The following CAPZA1 variants were observed in gnomAD, a reference collection of about 807,000 sequenced individuals.
The protein encoded by CAPZA1 is capping actin protein of muscle Z-line subunit alpha 1.
A neutral mutation model predicts 40.8 loss-of-function variants in CAPZA1; 10 were observed. The ratio of observed to expected loss-of-function variants is 0.25; its 90% confidence interval spans 0.15 to 0.42. CAPZA1 has a LOEUF of 0.42. CAPZA1 is among the 10% of genes least tolerant of loss of function. The pLI is 1.00. For synonymous variants in CAPZA1, 98 were observed against 115.0 expected, an observed-to-expected ratio of 0.85 and a Z score of 0.95; for missense variants, 277 against 353.8, an observed-to-expected ratio of 0.78 and a Z score of 1.74.
chr1:112,623,206 G>A (rs1670720094), intron 1 of CAPZA1, among the ~76,000 whole-genome samples: 1 of 152,074 alleles, frequency 6.6e-6, no homozygotes, highest in African/African-American at 2.4e-5. Context: ...TTTTAAACTG[G>A]ATCCTTGATT....
In CAPZA1 at chr1:112,654,320, C is replaced by G. The variant is rs557034520; in HGVS notation, c.220-145C>G. 2.2e-5 allele frequency: 13 copies of G among 584,294 alleles called. No homozygotes were observed. In the Admixed American group the frequency reaches 3.8e-4, roughly 17 times the overall value. 36.2% of individuals were successfully genotyped at this position (584,294 alleles called of 1,614,324 possible). On this transcript the variant is annotated intron_variant, in intron 4 of 9. Coordinates refer to ENST00000263168, the MANE Select transcript of CAPZA1 (RefSeq NM_006135.3). Reference sequence around the variant, plus strand: ...CATAAATACAATATTCTTAATAATACGGGACTTGGTTGAAAAATTAATATG... The same window carrying G: ...CATAAATACAATATTCTTAATAATAGGGGACTTGGTTGAAAAATTAATATG...
chr1:112,646,097 C>T (rs754565459), intron 1 of CAPZA1, among the ~76,000 whole-genome samples: 2 of 152,020 alleles, frequency 1.3e-5, no homozygotes, highest in Non-Finnish European at 2.9e-5. Context: ...ATGAGATAAG[C>T]GGATTAGAAC....
intron 3 of CAPZA1, among the ~76,000 whole-genome samples, chr1:112,650,223 A>G (rs1226462697): frequency 6.6e-6 from 1 of 152,210 alleles, no homozygotes; most frequent in East Asian, 1.9e-4. Flanking sequence ...AATAATTATC[A>G]TAAAGTCATT....
chr1:112,619,889 G>T lies in CAPZA1; in HGVS notation c.39+6G>T. On this transcript the variant is annotated splice_donor_region_variant and intron_variant, in intron 1 of 9. Coordinates refer to ENST00000263168, the MANE Select transcript of CAPZA1 (RefSeq NM_006135.3). ...GTGTGTCGGATGAGGAGAAGGTAAG[G>T]GGTCCGCCTCTCTCTCTTACCTCCT... 6.2e-7 allele frequency: 1 copy of T among 1,608,982 alleles called. No homozygotes were observed. The highest frequency in any genetic ancestry group is 1.1e-5 in the South Asian group (1 of 90,140).
At chr1:112,647,442 G>A (rs191334750) in intron 2 of CAPZA1, among the ~76,000 whole-genome samples, 169 bp downstream of exon 2, 3 of 152,264 alleles carry the variant, frequency 2.0e-5, no homozygotes, top group African/African-American at 7.2e-5. Flanking sequence ...GTCAAAGCAA[G>A]AATTCAAACC....
intron 3 of CAPZA1, 36 bp downstream of exon 3, chr1:112,649,505 C>G (rs1253594607): frequency 6.1e-6 from 9 of 1,470,276 alleles, no homozygotes; most frequent in Non-Finnish European, 8.6e-6. Context: ...GAATGTTACT[C>G]TAACATTGGA....
At chr1:112,642,045 A>AT (rs1259330001) in intron 1 of CAPZA1, among the ~76,000 whole-genome samples, 2 of 151,964 alleles carry the variant, frequency 1.3e-5, no homozygotes, top group Admixed American at 1.3e-4. Context: ...ATTGTTTTAC[A>AT]TTTTGCAAGT....
chr1:112,660,838 CTTTTTTTTTTTTTT>C (rs67876993), intron 7 of CAPZA1, among the ~76,000 whole-genome samples: 1 of 66,012 alleles, frequency 1.5e-5, no homozygotes, highest in South Asian at 7.6e-4. Flanking sequence ...CAAGAGTTGT[CTTTTTTTTTTTTTT>C]TTTTTTTTTT....
chr1:112,664,351 T>C (rs1671681896), intron 7 of CAPZA1, among the ~76,000 whole-genome samples: 1 of 152,114 alleles, frequency 6.6e-6, no homozygotes, highest in Non-Finnish European at 1.5e-5. Flanking sequence ...GAAGCTTGAC[T>C]GTTAGTTATG....
chr1:112,639,949 T>C (rs1671106322), intron 1 of CAPZA1, among the ~76,000 whole-genome samples: 1 of 129,734 alleles, frequency 7.7e-6, no homozygotes, highest in African/African-American at 2.9e-5. Context: ...AGCCGCCCCG[T>C]CCGGGAGGGA....
At chr1:112,641,807 T>C (rs949978266) in intron 1 of CAPZA1, among the ~76,000 whole-genome samples, 5 of 150,652 alleles carry the variant, frequency 3.3e-5, no homozygotes, top group African/African-American at 1.2e-4. Flanking sequence ...GAGAATCACT[T>C]GAACCTGGGA....
Position 112,670,368 on chromosome 1 carries a change from T to TC in CAPZA1, c.*236_*237insC, listed in dbSNP as rs990358474. 1.5e-5 allele frequency: 6 copies of TC among 408,060 alleles called. No individual in the cohort carries two copies. Among genetic ancestry groups the TC allele is most frequent in the Admixed American group, 8.7e-5 (2 of 23,090 alleles). 25.3% of individuals were successfully genotyped at this position (408,060 alleles called of 1,614,324 possible). ...TACGTGTAAATCTTTTTTTCTTTTT[T>TC]TTTTTTTTTTTTTGGTTAATTCTGC... is the stretch of plus-strand genomic sequence containing the variant. On this transcript the variant is annotated 3_prime_UTR_variant, in exon 10 of 10. Transcript: ENST00000263168.
In CAPZA1 at chr1:112,654,658, A is replaced by G; in HGVS notation, c.413A>G (p.Asn138Ser). ...LRAYVKDHYS[N>S]GFCTVYAKTI... ...GCCTATGTGAAAGACCATTATTCCA[A>G]CGGCTTCTGTACTGTTAAGTATCTG... The change falls in exon 5 of 10, where the codon AAC becomes AGC. Residue 138 changes from asparagine to serine, a missense_variant. Coordinates refer to ENST00000263168, the MANE Select transcript of CAPZA1 (RefSeq NM_006135.3). The G allele has an allele frequency of 6.2e-7, 1 of 1,609,642 alleles. No homozygotes were observed. The highest frequency in any genetic ancestry group is 1.3e-5 in the African/African-American group (1 of 74,788).
At chr1:112,621,186 A>T (rs945303739) in intron 1 of CAPZA1, among the ~76,000 whole-genome samples, 2 of 152,282 alleles carry the variant, frequency 1.3e-5, no homozygotes, top group Non-Finnish European at 2.9e-5. Context: ...ACATTTATGT[A>T]TAAGCCTATG....
At chr1:112,636,029 G>GA (rs1319996982) in intron 1 of CAPZA1, among the ~76,000 whole-genome samples, 9 of 151,990 alleles carry the variant, frequency 5.9e-5, no homozygotes, top group Non-Finnish European at 1.5e-5. Flanking sequence ...ACTCTTTCTA[G>GA]AAAAAAATAA....
At chr1:112,653,571 TTTTAA>T (rs1557734788) in intron 3 of CAPZA1, 22 bp from the exon 4 acceptor site, 10 of 1,434,018 alleles carry the variant, frequency 7.0e-6, no homozygotes, top group Middle Eastern at 2.1e-4. Flanking sequence ...TTTTTTTTTT[TTTTAA>T]AAAACTTTTA....
chr1:112,646,977 C>T (rs146840764), intron 1 of CAPZA1, among the ~76,000 whole-genome samples: 9 of 151,978 alleles, frequency 5.9e-5, no homozygotes, highest in African/African-American at 9.6e-5. Context: ...TTTTGAAAGA[C>T]GAATTCAGAT....
intron 8 of CAPZA1, 78 bp from the exon 9 acceptor site, chr1:112,669,465 G>A (rs1671787193): frequency 2.1e-6 from 2 of 971,402 alleles, no homozygotes; most frequent in Admixed American, 1.8e-5. Context: ...TGTTAGTTAA[G>A]ATGGACTTAC....
At chr1:112,649,827 TAAGAA>T (rs1671349134) in intron 3 of CAPZA1, 1 of 242,124 alleles carries the variant, frequency 4.1e-6, no homozygotes, top group Non-Finnish European at 7.9e-6. Context: ...TGATAATGTT[TAAGAA>T]TAGCAAATAT....
Sources: allele counts gnomAD v4.1 joint callset (sites outside exome capture counted in the v4.1 genomes callset), GRCh38; gene constraint gnomAD v4.1.1; transcripts MANE v1.5; gene names NCBI Gene and HGNC (gene_info 2026-07-23, HGNC 2026-07-21).